Variants in SSBP2 observed in about 807,000 individuals in gnomAD.
SSBP2 encodes single stranded DNA binding protein 2, also known as single-stranded DNA-binding protein 2.
Under a neutral mutation model 61.8 loss-of-function variants are expected in SSBP2, and 17 were observed. That is an observed-to-expected ratio of 0.28 (90% confidence interval 0.19 to 0.41). The LOEUF is 0.41. Among genes scored for constraint, SSBP2 ranks in the 10% least tolerant of loss-of-function variants. The probability of loss-of-function intolerance (pLI) is 1.00; values close to 1 mark genes in which losing one functional copy is unlikely to be tolerated. For missense variants in SSBP2, 310 were observed against 458.7 expected (o/e 0.68, Z 2.96); for synonymous variants, 139 against 141.3 (o/e 0.98, Z 0.12).
Position 81,569,961 on chromosome 5 carries a change from T to G in SSBP2, c.282+45512A>C, listed in dbSNP as rs138775868. 2.9e-4 allele frequency among the ~76,000 whole-genome samples: 44 copies of G among 152,314 alleles called. No individual in the cohort carries two copies. In the Middle Eastern group the frequency reaches 0.01, roughly 35 times the overall value. On this transcript the variant is annotated intron_variant, in intron 4 of 16. Coordinates refer to ENST00000320672, the MANE Select transcript of SSBP2 (RefSeq NM_012446.5). Reference sequence around the variant, plus strand: ...TAATTTCAACTGTATCACCCTTGACTGGCTAGTTTTATCTTACTTTAAGAT... The same window carrying G: ...TAATTTCAACTGTATCACCCTTGACGGGCTAGTTTTATCTTACTTTAAGAT...
chr5:81,644,787 C>T (rs1410124024), intron 2 of SSBP2, among the ~76,000 whole-genome samples: 1 of 152,084 alleles, frequency 6.6e-6, no homozygotes, highest in Non-Finnish European at 1.5e-5. Flanking sequence ...AGTACAAGAA[C>T]CCTAAGCACC....
At chr5:81,680,615 T>C (rs1311411640) in intron 1 of SSBP2, among the ~76,000 whole-genome samples, 2 of 152,082 alleles carry the variant, frequency 1.3e-5, no homozygotes, top group Non-Finnish European at 1.5e-5. Context: ...CCAGAGTAGC[T>C]ATATTAATTT....
rs550356343 is a variant in SSBP2, at chr5:81,701,190, G to T, written c.62+49791C>A. The stretch of plus-strand genomic sequence containing the variant: ...TTGTAGGTTATTAATTGGCCTAATT[G>T]TAATACTTTCATGTCTCAGAGACAG... On this transcript the variant is annotated intron_variant, in intron 1 of 16. Transcript: ENST00000320672. Among the ~76,000 whole-genome samples the T allele has an allele frequency of 4.9e-4, 75 of 152,194 alleles. No individual in the cohort carries two copies. The South Asian group carries it at 0.015, about 30-fold the overall frequency.
chr5:81,461,959 C>T (rs2154001319), intron 9 of SSBP2, among the ~76,000 whole-genome samples: 1 of 152,258 alleles, frequency 6.6e-6, no homozygotes, highest in South Asian at 2.1e-4. Flanking sequence ...TCGGTCTCCT[C>T]TAATTAGGGT....
intron 1 of SSBP2, among the ~76,000 whole-genome samples, chr5:81,720,781 A>T (rs1057037593): frequency 6.6e-6 from 1 of 152,212 alleles, no homozygotes; most frequent in Non-Finnish European, 1.5e-5. Flanking sequence ...GTAGATATTT[A>T]AGCAGAGGAA....
At chr5:81,532,941 G>C (rs182181427) in intron 4 of SSBP2, among the ~76,000 whole-genome samples, 106 of 151,968 alleles carry the variant, frequency 7.0e-4, no homozygotes, top group African/African-American at 2.4e-3. Context: ...GCAATTATAG[G>C]TAGAGATTTT....
chr5:81,693,202 T>TAAAAAAAAAA (rs34403567), intron 1 of SSBP2, among the ~76,000 whole-genome samples: 1 of 116,148 alleles, frequency 8.6e-6, no homozygotes. Flanking sequence ...GACTTTGTCT[T>TAAAAAAAAAA]AAAAAAAAAA....
Position 81,427,933 on chromosome 5 carries a change from A to G in SSBP2, c.1056+652T>C, listed in dbSNP as rs181996427. On this transcript the variant is annotated intron_variant, in intron 16 of 16. Transcript: ENST00000320672. The stretch of plus-strand genomic sequence containing the variant: ...TGAAATATTAATGTAAAAAATCATT[A>G]TATTACATAGAACTCCTTGAGAAAA... Among the ~76,000 whole-genome samples the G allele has an allele frequency of 1.7e-3, 264 of 152,336 alleles. 1 individual carries two copies. The highest frequency in any genetic ancestry group is 6.0e-3 in the African/African-American group (249 of 41,586).
At chr5:81,658,560 T>C (rs1461557118) in intron 1 of SSBP2, among the ~76,000 whole-genome samples, 2 of 152,186 alleles carry the variant, frequency 1.3e-5, no homozygotes, top group African/African-American at 4.8e-5. Flanking sequence ...TGTTGTATTA[T>C]TTTTTATTGT....
At chr5:81,505,367 A>G (rs548436246) in intron 5 of SSBP2, among the ~76,000 whole-genome samples, 3 of 152,338 alleles carry the variant, frequency 2.0e-5, no homozygotes, top group Non-Finnish European at 4.4e-5. Flanking sequence ...CTACCTTGTA[A>G]TAAGTTATTC....
chr5:81,439,153 G>A (rs989968288), intron 14 of SSBP2, among the ~76,000 whole-genome samples: 3 of 151,902 alleles, frequency 2.0e-5, no homozygotes, highest in African/African-American at 7.3e-5. Context: ...CTTAGGTCGG[G>A]AAGTGAAATC....
chr5:81,667,619 A>G (rs572591874), intron 1 of SSBP2, among the ~76,000 whole-genome samples: 7 of 152,124 alleles, frequency 4.6e-5, no homozygotes, highest in Admixed American at 6.5e-5. Context: ...GCTTAAAGAT[A>G]CTTTACAGTA....
chr5:81,564,499 C>T (rs1212187731), intron 4 of SSBP2, among the ~76,000 whole-genome samples: 1 of 152,148 alleles, frequency 6.6e-6, no homozygotes, highest in African/African-American at 2.4e-5. Flanking sequence ...CTACCCTTAA[C>T]TACTTTCAGA....
intron 5 of SSBP2, among the ~76,000 whole-genome samples, chr5:81,501,268 T>TATATATACAC (rs1205403428): frequency 1.4e-4 from 5 of 35,772 alleles, no homozygotes; most frequent in African/African-American, 2.6e-4. Context: ...TATATATATA[T>TATATATACAC]ACACACACAC....
At chr5:81,718,283 C>T (rs2153962876) in intron 1 of SSBP2, among the ~76,000 whole-genome samples, 1 of 152,048 alleles carries the variant, frequency 6.6e-6, no homozygotes, top group Middle Eastern at 3.4e-3. Context: ...CAATGTACCA[C>T]AGAGATAGGA....
At chr5:81,538,038 A>G (rs1470744001) in intron 4 of SSBP2, among the ~76,000 whole-genome samples, 4 of 152,200 alleles carry the variant, frequency 2.6e-5, no homozygotes, top group African/African-American at 9.6e-5. Flanking sequence ...ACTCTAAATC[A>G]AAAGCTAAAA....
chr5:81,635,922 C>A (rs1748181026), intron 3 of SSBP2, among the ~76,000 whole-genome samples: 1 of 152,162 alleles, frequency 6.6e-6, no homozygotes, highest in African/African-American at 2.4e-5. Context: ...GTCAAGGCTA[C>A]CAAGCCCTGC....
At chr5:81,624,673 G>T (rs1225925587) in intron 3 of SSBP2, among the ~76,000 whole-genome samples, 2 of 152,010 alleles carry the variant, frequency 1.3e-5, no homozygotes, top group African/African-American at 4.8e-5. Context: ...AACAACAAAG[G>T]CTGTAGTAAG....
At chr5:81,547,469 CA>C (rs1771824822) in intron 4 of SSBP2, among the ~76,000 whole-genome samples, 1 of 108,412 alleles carries the variant, frequency 9.2e-6, no homozygotes, top group African/African-American at 9.3e-5. Context: ...GTGGAGAAAA[CA>C]TTTTTTTTTT....
Sources: gnomAD v4.1 joint callset for allele counts (sites outside exome capture counted in the v4.1 genomes callset) on GRCh38, gnomAD v4.1.1 for gene constraint, MANE v1.5 for transcripts, NCBI Gene and HGNC (gene_info 2026-07-23, HGNC 2026-07-21) for gene names.